CREB5: variants seen among roughly 807,000 people sequenced by gnomAD.
The protein encoded by CREB5 is cAMP responsive element binding protein 5.
CREB5 carries 19 observed loss-of-function variants against 57.1 expected under a neutral mutation model. The ratio of observed to expected loss-of-function variants is 0.33; its 90% confidence interval spans 0.23 to 0.49. The LOEUF is 0.49. Among genes scored for constraint, CREB5 ranks in the 20% least tolerant of loss-of-function variants. The probability of loss-of-function intolerance (pLI) is 0.99; values close to 1 mark genes in which losing one functional copy is unlikely to be tolerated. For synonymous variants in CREB5, 238 were observed against 238.3 expected, an observed-to-expected ratio of 1.00 and a Z score of 0.01; for missense variants, 579 against 671.6, an observed-to-expected ratio of 0.86 and a Z score of 1.52.
intron 1 of CREB5, among the ~76,000 whole-genome samples, chr7:28,406,925 A>T (rs1261202585): frequency 1.2e-4 from 1 of 8,324 alleles, no homozygotes; most frequent in Non-Finnish European, 1.7e-4. Context: ...TAAGTTTGTA[A>T]AAAAAAAAAA....
At chr7:28,358,152 A>G (rs549835716) in intron 1 of CREB5, among the ~76,000 whole-genome samples, 18 of 152,340 alleles carry the variant, frequency 1.2e-4, no homozygotes, top group African/African-American at 3.8e-4. Flanking sequence ...ATGAAGGACC[A>G]TGGTCAAGGT....
chr7:28,598,559 T>G (rs991846410), intron 5 of CREB5, among the ~76,000 whole-genome samples: 1 of 152,198 alleles, frequency 6.6e-6, no homozygotes, highest in African/African-American at 2.4e-5. Flanking sequence ...CATGATGCAT[T>G]GGGTCATTCC....
At chr7:28,557,267 C>G (rs1166360334) in intron 4 of CREB5, among the ~76,000 whole-genome samples, 3 of 152,054 alleles carry the variant, frequency 2.0e-5, no homozygotes, top group African/African-American at 4.8e-5. Context: ...TTTAACAATA[C>G]TGAGAAACAG....
At chr7:28,514,234 T>C (rs1280481685) in intron 4 of CREB5, among the ~76,000 whole-genome samples, 7 of 152,218 alleles carry the variant, frequency 4.6e-5, no homozygotes, top group Non-Finnish European at 7.3e-5. Context: ...ATTTGGCAGC[T>C]GGTGGCTCTG....
chr7:28,757,037 T>G (rs1240530183), intron 7 of CREB5, among the ~76,000 whole-genome samples: 1 of 152,236 alleles, frequency 6.6e-6, no homozygotes. Flanking sequence ...TTACTGCCCA[T>G]CATGTTGCAT....
chr7:28,503,765 C>T (rs373964149), intron 3 of CREB5, among the ~76,000 whole-genome samples: 2 of 152,074 alleles, frequency 1.3e-5, no homozygotes, highest in Admixed American at 6.6e-5. Flanking sequence ...AAGGAGGTTG[C>T]GGGAGGATGG....
At chr7:28,659,621 T>C (rs1287621165) in intron 5 of CREB5, among the ~76,000 whole-genome samples, 1 of 152,192 alleles carries the variant, frequency 6.6e-6, no homozygotes, top group Non-Finnish European at 1.5e-5. Context: ...TTTTAGTTTT[T>C]AAGCTGCCTC....
At chr7:28,741,192 C>A (rs895557255) in intron 7 of CREB5, among the ~76,000 whole-genome samples, 5 of 152,040 alleles carry the variant, frequency 3.3e-5, no homozygotes, top group Admixed American at 2.6e-4. Flanking sequence ...GGTGGTGTTC[C>A]CAAAGTGTGT....
At chr7:28,619,493 C>T (rs1187196891) in intron 5 of CREB5, among the ~76,000 whole-genome samples, 1 of 152,148 alleles carries the variant, frequency 6.6e-6, no homozygotes, top group African/African-American at 2.4e-5. Context: ...TTCCGTCATT[C>T]TACACTGAGA....
At chr7:28,637,289 A>T (rs41309) in intron 5 of CREB5, among the ~76,000 whole-genome samples, 102,845 of 152,104 alleles carry the variant, frequency 0.68, 35,620 homozygotes, top group African/African-American at 0.83. Context: ...TTTCTATTCA[A>T]TCATTCATTT....
chr7:28,659,461 G>A (rs1291697188), intron 5 of CREB5, among the ~76,000 whole-genome samples: 1 of 151,964 alleles, frequency 6.6e-6, no homozygotes, highest in African/African-American at 2.4e-5. Context: ...GCTGTGACAA[G>A]GTCCTGTAGC....
At chr7:28,809,907 G>A (rs1809005410) in intron 9 of CREB5, among the ~76,000 whole-genome samples, 1 of 152,204 alleles carries the variant, frequency 6.6e-6, no homozygotes, top group African/African-American at 2.4e-5. Flanking sequence ...TGAGGGGGTT[G>A]CCTTGGCTTA....
intron 1 of CREB5, among the ~76,000 whole-genome samples, chr7:28,362,816 T>G (rs534862569): frequency 6.6e-6 from 1 of 152,320 alleles, no homozygotes; most frequent in South Asian, 2.1e-4. Flanking sequence ...TCATTAAGTC[T>G]CTGATGAAGC....
chr7:28,392,499 C>T (rs76556624), intron 1 of CREB5, among the ~76,000 whole-genome samples: 2,356 of 152,220 alleles, frequency 0.015, 28 homozygotes, highest in Non-Finnish European at 0.024. Flanking sequence ...TTTGCACCAA[C>T]CAAATACATG....
At chr7:28,546,037 A>C (rs944744218) in intron 4 of CREB5, among the ~76,000 whole-genome samples, 1 of 152,204 alleles carries the variant, frequency 6.6e-6, no homozygotes, top group African/African-American at 2.4e-5. Flanking sequence ...GCCCATAGGC[A>C]TCACTCCCCG....
chr7:28,506,119 G>A (rs982700510), intron 3 of CREB5, among the ~76,000 whole-genome samples: 30 of 152,324 alleles, frequency 2.0e-4, no homozygotes, highest in African/African-American at 7.0e-4. Flanking sequence ...TTTGGGTGCT[G>A]AAAGTTGCTT....
At chr7:28,633,350 A>G (rs1798277465) in intron 5 of CREB5, among the ~76,000 whole-genome samples, 1 of 148,448 alleles carries the variant, frequency 6.7e-6, no homozygotes, top group African/African-American at 2.5e-5. Context: ...ATCAGTTTAA[A>G]CCAAGGATTC....
chr7:28,716,732 C>T (rs536840059), intron 5 of CREB5, among the ~76,000 whole-genome samples: 1 of 152,204 alleles, frequency 6.6e-6, no homozygotes, highest in Non-Finnish European at 1.5e-5. Context: ...GAGCCACATC[C>T]TATACCTATC....
chr7:28,568,387 C>A (rs1795563773), intron 4 of CREB5, among the ~76,000 whole-genome samples: 1 of 152,134 alleles, frequency 6.6e-6, no homozygotes. Context: ...TGTCTTTGAA[C>A]TTAAACAATG....
Sources: allele counts gnomAD v4.1 joint callset (sites outside exome capture counted in the v4.1 genomes callset), GRCh38; gene constraint gnomAD v4.1.1; transcripts MANE v1.5; gene names NCBI Gene and HGNC (gene_info 2026-07-23, HGNC 2026-07-21).